DMRT1: variants seen among roughly 807,000 people sequenced by gnomAD.
DMRT1 encodes doublesex and mab-3 related transcription factor 1, also known as doublesex- and mab-3-related transcription factor 1.
DMRT1 carries 7 observed loss-of-function variants against 32.3 expected under a neutral mutation model. The observed-to-expected ratio is 0.22, with a 90% CI of 0.12 to 0.41. DMRT1 has a LOEUF of 0.41. Among genes scored for constraint, DMRT1 ranks in the 10% least tolerant of loss-of-function variants. The pLI is 1.00. For missense variants in DMRT1, 625 were observed against 500.5 expected, an observed-to-expected ratio of 1.25 and a Z score of -2.37; for synonymous variants, 278 against 206.1, an observed-to-expected ratio of 1.35 and a Z score of -2.99.
At chr9:847,486 A>G (rs1407257341) in intron 2 of DMRT1, among the ~76,000 whole-genome samples, 4 of 152,186 alleles carry the variant, frequency 2.6e-5, no homozygotes, top group African/African-American at 9.7e-5. Context: ...GTTTCCTAGA[A>G]CTAGAAGTCC....
chr9:855,554 C>T (rs1452366018), intron 2 of DMRT1, among the ~76,000 whole-genome samples: 2 of 152,230 alleles, frequency 1.3e-5, no homozygotes, highest in African/African-American at 4.8e-5. Flanking sequence ...CACCTGTAGA[C>T]ACCAGAGAAT....
intron 2 of DMRT1, among the ~76,000 whole-genome samples, chr9:871,303 A>T (rs1279347104): frequency 2.0e-5 from 3 of 151,162 alleles, no homozygotes; most frequent in African/African-American, 7.3e-5. Flanking sequence ...CTGGGATTAC[A>T]GGCATGAACC....
At chr9:908,532 G>A (rs1817860479) in intron 3 of DMRT1, among the ~76,000 whole-genome samples, 1 of 152,116 alleles carries the variant, frequency 6.6e-6, no homozygotes, top group African/African-American at 2.4e-5. Context: ...AATTGCGGGA[G>A]GGCTTGCTTT....
chr9:913,961 T>C (rs532660132), intron 3 of DMRT1, among the ~76,000 whole-genome samples: 1 of 152,186 alleles, frequency 6.6e-6, no homozygotes, highest in African/African-American at 2.4e-5. Flanking sequence ...AGAGGAAGGA[T>C]CACGTATTCT....
intron 3 of DMRT1, among the ~76,000 whole-genome samples, chr9:909,403 G>GC (rs1470189184): frequency 6.6e-6 from 1 of 152,162 alleles, no homozygotes; most frequent in Admixed American, 6.5e-5. Context: ...TTTGGGTGAA[G>GC]CCCTTTGCGT....
chr9:906,636 T>C (rs1303876620), intron 3 of DMRT1, among the ~76,000 whole-genome samples: 2 of 152,318 alleles, frequency 1.3e-5, no homozygotes, highest in East Asian at 3.9e-4. Context: ...CTCTGATGTT[T>C]CTGGTTCTGA....
At chr9:915,423 A>T (rs922162591) in intron 3 of DMRT1, among the ~76,000 whole-genome samples, 1 of 152,202 alleles carries the variant, frequency 6.6e-6, no homozygotes, top group East Asian at 1.9e-4. Flanking sequence ...CTTCTTATAT[A>T]AAAGCTATCT....
chr9:877,036 C>A lies in DMRT1; in HGVS notation c.539-16876C>A, dbSNP rs144804838. ...AGTTACATGTGTGTCCTCAGACTTG[C>A]CACTTGAACCTCTCTGGGTGTAGAA... On this transcript the variant is annotated intron_variant, in intron 2 of 4. Coordinates refer to ENST00000382276, the MANE Select transcript of DMRT1 (RefSeq NM_021951.3). Among the ~76,000 whole-genome samples the A allele has an allele frequency of 9.9e-5, 15 of 152,246 alleles. No individual in the cohort carries two copies. The East Asian group carries it at 2.9e-3, about 29-fold the overall frequency.
intron 4 of DMRT1, among the ~76,000 whole-genome samples, chr9:932,565 C>G (rs778882830): frequency 2.6e-5 from 4 of 152,070 alleles, no homozygotes; most frequent in Non-Finnish European, 5.9e-5. Context: ...TTTTTTCCTT[C>G]TGACACAAAC....
intron 2 of DMRT1, among the ~76,000 whole-genome samples, chr9:851,143 G>GCA (rs1839133076): frequency 6.6e-6 from 1 of 152,184 alleles, no homozygotes; most frequent in Admixed American, 6.5e-5. Context: ...TACCAACCTG[G>GCA]CACACCTTGG....
intron 2 of DMRT1, among the ~76,000 whole-genome samples, chr9:884,007 C>G (rs546823121): frequency 6.6e-6 from 1 of 152,046 alleles, no homozygotes; most frequent in African/African-American, 2.4e-5. Context: ...ATAAATTAAT[C>G]GTTTACATGA....
At chr9:946,135 CTT>C (rs1174891518) in intron 4 of DMRT1, among the ~76,000 whole-genome samples, 6 of 143,414 alleles carry the variant, frequency 4.2e-5, no homozygotes, top group East Asian at 2.0e-4. Context: ...TTCTTTCTTT[CTT>C]TTTTTTTTTT....
intron 1 of DMRT1, 127 bp from the exon 2 acceptor site, chr9:846,833 A>G (rs1451137484): frequency 3.3e-6 from 4 of 1,194,732 alleles, no homozygotes; most frequent in African/African-American, 3.0e-5. Flanking sequence ...TTAAGAAGAA[A>G]TGGGAGATTT....
At position 888,151 on chromosome 9, in the gene DMRT1, A is replaced by ATTC. The variant is rs796201255; in HGVS notation, c.539-5761_539-5760insTTC. 5.3e-5 allele frequency among the ~76,000 whole-genome samples: 8 copies of ATTC among 152,348 alleles called. 1 individual carries two copies. Among genetic ancestry groups the ATTC allele is most frequent in the African/African-American group, 1.9e-4 (8 of 41,592 alleles). ...AATAAGCATTTGAATAGATGAATTAAGTTACTGTGGTTAGAATAAATGAAG... is the reference window on the plus strand; with the variant it reads ...AATAAGCATTTGAATAGATGAATTAATTCGTTACTGTGGTTAGAATAAATGAAG... On this transcript the variant is annotated intron_variant, in intron 2 of 4. Coordinates refer to ENST00000382276, the MANE Select transcript of DMRT1 (RefSeq NM_021951.3).
At chr9:898,380 A>G (rs943049096) in intron 3 of DMRT1, among the ~76,000 whole-genome samples, 1 of 152,158 alleles carries the variant, frequency 6.6e-6, no homozygotes, top group South Asian at 2.1e-4. Context: ...CGGCCTCCCA[A>G]AGTGCTGGGA....
At chr9:884,772 C>T (rs540534218) in intron 2 of DMRT1, among the ~76,000 whole-genome samples, 52 of 152,220 alleles carry the variant, frequency 3.4e-4, no homozygotes, top group Non-Finnish European at 4.7e-4. Flanking sequence ...GAGTTCGAGA[C>T]CAGCCTGGCC....
chr9:923,765 C>T (rs1366146053), intron 4 of DMRT1, among the ~76,000 whole-genome samples: 5 of 152,168 alleles, frequency 3.3e-5, no homozygotes, highest in Non-Finnish European at 7.4e-5. Flanking sequence ...CAACCCTTGT[C>T]TTTCTCTGCT....
chr9:882,610 CAGTAGCCCCAGGGCAGCCTGTTT>C (rs1816774315), intron 2 of DMRT1, among the ~76,000 whole-genome samples: 1 of 152,076 alleles, frequency 6.6e-6, no homozygotes, highest in Admixed American at 6.5e-5. Flanking sequence ...CTGGGCTTTT[CAGTAGCCCCAGGGCAGCCTGTTT>C]CAAATCAAGA....
intron 4 of DMRT1, among the ~76,000 whole-genome samples, chr9:947,393 C>A (rs1819281145): frequency 6.6e-6 from 1 of 152,150 alleles, no homozygotes; most frequent in Admixed American, 6.5e-5. Context: ...CCATTATTGA[C>A]AGAAAATGTT....
Sources: gnomAD v4.1 joint callset for allele counts (sites outside exome capture counted in the v4.1 genomes callset) on GRCh38, gnomAD v4.1.1 for gene constraint, MANE v1.5 for transcripts, NCBI Gene and HGNC (gene_info 2026-07-23, HGNC 2026-07-21) for gene names.